MSI1: variants seen among roughly 807,000 people sequenced by gnomAD.
MSI1 encodes the protein RNA-binding protein Musashi homolog 1.
In MSI1, 15 loss-of-function variants were observed where a neutral mutation model predicts 54.4. The observed-to-expected ratio is 0.28, with a 90% confidence interval of 0.18 to 0.42. The LOEUF (loss-of-function observed/expected upper bound fraction) is 0.42, where lower values mean the gene tolerates loss of function less well. Among genes scored for constraint, MSI1 ranks in the 20% least tolerant of loss-of-function variants. The probability of loss-of-function intolerance (pLI) is 1.00; values close to 1 mark genes in which losing one functional copy is unlikely to be tolerated. For synonymous variants in MSI1, 200 were observed against 196.5 expected (o/e 1.02, Z -0.15); for missense variants, 304 against 506.0 (o/e 0.60, Z 3.83).
rs1427929263 is a variant in MSI1, at chr12:120,346,315, G to A, written c.867C>T (p.His289=). 3.2e-6 allele frequency: 5 copies of A among 1,540,242 alleles called. No individual in the cohort carries two copies. The highest frequency in any genetic ancestry group is 4.4e-6 in the Non-Finnish European group (5 of 1,144,168). ...AAAVVRGTGS[H]PWTMAPPPGS... ...CTGGAGGGGGAGCCATCGTCCAGGG[G>A]TGAGAGCCTGGCAACCCAGAAAGAA... Residue 289 remains histidine, a synonymous_variant, in exon 13 of 15, where the codon CAC becomes CAT. Transcript: ENST00000257552.
chr12:120,354,846 A>G (rs1874941204), intron 9 of MSI1, among the ~76,000 whole-genome samples: 1 of 152,118 alleles, frequency 6.6e-6, no homozygotes, highest in Non-Finnish European at 1.5e-5. Context: ...TAACTACAAT[A>G]CCTGATTCTA....
intron 6 of MSI1, among the ~76,000 whole-genome samples, chr12:120,362,085 G>C (rs937279090): frequency 6.6e-6 from 1 of 151,880 alleles, no homozygotes; most frequent in East Asian, 1.9e-4. Flanking sequence ...CCCGGACCCA[G>C]GTGCCCACCG....
In MSI1 at chr12:120,368,366, C is replaced by T; in HGVS notation, c.101-93G>A. 3.0e-6 allele frequency: 4 copies of T among 1,346,650 alleles called. No individual in the cohort carries two copies. Among genetic ancestry groups the T allele is most frequent in the Non-Finnish European group, 4.0e-6 (4 of 1,002,000 alleles). 83.4% of individuals were successfully genotyped at this position (1,346,650 alleles called of 1,614,324 possible). On this transcript the variant is annotated intron_variant, in intron 2 of 14. Transcript: ENST00000257552. This position sits in a 1 kb window ranked among gnomAD's most constrained non-coding sequence, Gnocchi z 6.6. ...CCCCGGTGACCCCGGAGCGGCCCGGCCGCCCCCGCGCCAAGCTGCCCGCGC... is the reference window on the plus strand; with the variant it reads ...CCCCGGTGACCCCGGAGCGGCCCGGTCGCCCCCGCGCCAAGCTGCCCGCGC...
In MSI1 at chr12:120,368,573, G is replaced by A. The variant is rs1236974918; in HGVS notation, c.100+260C>T. 2.6e-5 allele frequency among the ~76,000 whole-genome samples: 4 copies of A among 151,948 alleles called. No homozygotes were observed. Among genetic ancestry groups the A allele is most frequent in the Non-Finnish European group, 5.9e-5 (4 of 67,946 alleles). ...TGAGCCGCAGGTGCGAGCGGAGTTG[G>A]CGCTGCCGCCGGCGGGTCCCGGGGG... On this transcript the variant is annotated intron_variant, in intron 2 of 14. Coordinates refer to ENST00000257552, the MANE Select transcript of MSI1 (RefSeq NM_002442.4). This position sits in a 1 kb window ranked among gnomAD's most constrained non-coding sequence, Gnocchi z 6.6.
At chr12:120,353,186 A>G in intron 10 of MSI1, 113 bp downstream of exon 10, 6 of 1,024,420 alleles carry the variant, frequency 5.9e-6, no homozygotes, top group Non-Finnish European at 9.0e-6. Flanking sequence ...CTTCCTTCCA[A>G]GCCTCCAGCA....
At chr12:120,340,187 A>G (rs1873621047), downstream of MSI1, among the ~76,000 whole-genome samples, 1 of 151,830 alleles carries the variant, frequency 6.6e-6, no homozygotes, top group Admixed American at 6.6e-5. Flanking sequence ...CCTGGGCTCA[A>G]ACGATTCTTA....
chr12:120,351,767 G>A (rs1330029117), intron 10 of MSI1, among the ~76,000 whole-genome samples: 1 of 148,156 alleles, frequency 6.7e-6, no homozygotes, highest in Non-Finnish European at 1.5e-5. Context: ...GGAGTGCAGT[G>A]GCGCGATCTC....
intron 4 of MSI1, among the ~76,000 whole-genome samples, chr12:120,365,610 T>G (rs1344358107): frequency 1.3e-5 from 2 of 152,058 alleles, no homozygotes; most frequent in Non-Finnish European, 2.9e-5. Flanking sequence ...AAGCTGAGAG[T>G]TCATAACCAT....
rs527699317 is a variant in MSI1 at position 120,368,588 on chromosome 12, G to A, written c.100+245C>T. ...AGCGGAGTTGGCGCTGCCGCCGGCGGGTCCCGGGGGCCCAGCCCACCCCCC... is the reference window on the plus strand; with the variant it reads ...AGCGGAGTTGGCGCTGCCGCCGGCGAGTCCCGGGGGCCCAGCCCACCCCCC... On this transcript the variant is annotated intron_variant, in intron 2 of 14. Transcript: ENST00000257552. This position sits in a 1 kb window ranked among gnomAD's most constrained non-coding sequence, Gnocchi z 6.6. Among the ~76,000 whole-genome samples, 147 of 152,042 alleles carry A rather than the reference G, an allele frequency of 9.7e-4. No homozygotes were observed. Among genetic ancestry groups the A allele is most frequent in the African/African-American group, 3.4e-3 (142 of 41,536 alleles).
chr12:120,361,675 A>G (rs911466449), intron 6 of MSI1, among the ~76,000 whole-genome samples: 2 of 150,214 alleles, frequency 1.3e-5, no homozygotes, highest in East Asian at 2.0e-4. Context: ...AGTGGCAGCC[A>G]TGGCGGCTGA....
At chr12:120,343,499 C>T (rs996570934) in intron 14 of MSI1, among the ~76,000 whole-genome samples, 6 of 152,000 alleles carry the variant, frequency 3.9e-5, no homozygotes, top group East Asian at 1.9e-4. Flanking sequence ...TCTGGGATTA[C>T]GAATGTGAGC....
intron 11 of MSI1, among the ~76,000 whole-genome samples, chr12:120,350,726 C>T (rs1424763044): frequency 1.3e-5 from 2 of 152,192 alleles, no homozygotes; most frequent in African/African-American, 4.8e-5. Context: ...GCCAGGAAAC[C>T]GGCCCCCTGT....
rs750439002 is a variant in MSI1 at position 120,356,965 on chromosome 12, G to C, written c.589C>G (p.Arg197Gly). The C allele has an allele frequency of 2.5e-6, 4 of 1,614,112 alleles. No individual in the cohort carries two copies. In the African/African-American group the frequency reaches 4.0e-5, roughly 16 times the overall value. Residue 197 changes from arginine to glycine, a missense_variant, in exon 9 of 15, where the codon CGG becomes GGG. Arg to Gly is a moderately radical substitution (Grantham distance 125). Coordinates refer to ENST00000257552, the MANE Select transcript of MSI1 (RefSeq NM_002442.4). ...KEVMSPTGSARGRSRVMPYGM... is the reference protein window; with the variant it reads ...KEVMSPTGSAGGRSRVMPYGM... ...TAGGGCATGACTCGAGACCTCCCCC[G>C]GGCTGAGCCCGTTGGCGACATCACC...
At position 120,368,402 on chromosome 12, in the gene MSI1, G is replaced by A. The variant is rs1277264735; in HGVS notation, c.101-129C>T. 1.1e-6 allele frequency: 1 copy of A among 945,100 alleles called. No individual in the cohort carries two copies. The highest frequency in any genetic ancestry group is 1.9e-5 in the South Asian group (1 of 53,670). The allele number at this position is 945,100 out of a possible 1,614,324, so 58.5% of individuals were successfully genotyped here. Reference sequence around the variant, plus strand: ...CCAAGCTGCCCGCGCGTTCTCCACTGCCGCCGCCCCCCACCGCCCTCGCCC... The same window carrying A: ...CCAAGCTGCCCGCGCGTTCTCCACTACCGCCGCCCCCCACCGCCCTCGCCC... On this transcript the variant is annotated intron_variant, in intron 2 of 14. Transcript: ENST00000257552. The surrounding 1 kb of genome is among the most constrained non-coding windows in gnomAD (Gnocchi z 6.6).
At chr12:120,343,775 G>T (rs1355117320) in intron 14 of MSI1, among the ~76,000 whole-genome samples, 2 of 152,178 alleles carry the variant, frequency 1.3e-5, no homozygotes, top group African/African-American at 4.8e-5. Context: ...TGAATGAACA[G>T]AATGTCATGG....
In MSI1 at chr12:120,363,105, C is replaced by A; in HGVS notation, c.340G>T (p.Gly114Trp). The A allele has an allele frequency of 6.2e-7, 1 of 1,614,084 alleles. No homozygotes were observed. The highest frequency in any genetic ancestry group is 8.5e-7 in the Non-Finnish European group (1 of 1,179,986). ...MVTRTKKIFV[G>W]GLSVNTTVED... The stretch of plus-strand genomic sequence containing the variant: ...ACCGTGGTGTTCACCGACAGCCCCC[C>A]CACAAAGATCTTCTTCGTTCGAGTC... Residue 114 changes from glycine (G) to tryptophan (W), a missense_variant, in exon 6 of 15, where the codon GGG (glycine) becomes TGG (tryptophan). Coordinates refer to ENST00000257552, the MANE Select transcript of MSI1 (RefSeq NM_002442.4).
chr12:120,346,885 C>G (rs1337239200), intron 12 of MSI1, among the ~76,000 whole-genome samples: 3 of 152,176 alleles, frequency 2.0e-5, no homozygotes, highest in African/African-American at 4.8e-5. Flanking sequence ...GCATTATTGC[C>G]TTTTTAATAC....
chr12:120,345,652 A>T lies in MSI1; in HGVS notation c.1048-20T>A. The T allele has an allele frequency of 6.2e-7, 1 of 1,613,258 alleles. No homozygotes were observed. The highest frequency in any genetic ancestry group is 1.3e-5 in the African/African-American group (1 of 74,786). On this transcript the variant is annotated intron_variant, in intron 13 of 14. Coordinates refer to ENST00000257552, the MANE Select transcript of MSI1 (RefSeq NM_002442.4). The stretch of plus-strand genomic sequence containing the variant: ...AGGGCCCTGAAAAGGAAAGAATTTG[A>T]CTCCTAGATTCCTGGGAAATAGAGG...
intron 9 of MSI1, among the ~76,000 whole-genome samples, chr12:120,356,238 A>ATAT (rs1875106841): frequency 6.6e-6 from 1 of 151,878 alleles, no homozygotes; most frequent in Admixed American, 6.6e-5. Context: ...TGCTCAATAA[A>ATAT]TATTACCTGA....
Sources: gnomAD v4.1 joint callset for allele counts (sites outside exome capture counted in the v4.1 genomes callset) on GRCh38, gnomAD v4.1.1 for gene constraint, Gnocchi (gnomAD v3.1) non-coding constraint, MANE v1.5 for transcripts, NCBI Gene and HGNC (gene_info 2026-07-23, HGNC 2026-07-21) for gene names.